The following CNBD1 variants were observed in gnomAD, a reference collection of about 807,000 sequenced individuals.
CNBD1 encodes the protein cyclic nucleotide binding domain containing 1, also known as cyclic nucleotide-binding domain-containing protein 1.
CNBD1 carries 71 observed loss-of-function variants against 54.4 expected under a neutral mutation model. That is an observed-to-expected ratio of 1.30 (90% CI 1.08 to 1.59). CNBD1 has a LOEUF of 1.59. CNBD1 is among the 40% of genes most tolerant of loss of function. The pLI is 0.00. For missense variants in CNBD1, 659 were observed against 518.0 expected (o/e 1.27, Z -2.64); for synonymous variants, 182 against 170.7 (o/e 1.07, Z -0.51).
chr8:87,055,031 TACTC>T, intron 4 of CNBD1, among the ~76,000 whole-genome samples: 1 of 152,326 alleles, frequency 6.6e-6, no homozygotes, highest in Admixed American at 6.5e-5. Context: ...AGTTTGCTCC[TACTC>T]ACTCTTTCGA....
At chr8:87,315,978 A>G (rs1255191991) in intron 8 of CNBD1, among the ~76,000 whole-genome samples, 1 of 152,052 alleles carries the variant, frequency 6.6e-6, no homozygotes, top group Non-Finnish European at 1.5e-5. Flanking sequence ...CCATGAATAT[A>G]TACAATTATT....
At chr8:87,351,658 GA>G in intron 8 of CNBD1, 26 bp from the exon 9 acceptor site, 1 of 1,455,924 alleles carries the variant, frequency 6.9e-7, no homozygotes, top group East Asian at 2.7e-5. Flanking sequence ...AAGAATGTGT[GA>G]AATGAACTAT....
At chr8:87,229,626 C>A (rs917779692) in intron 5 of CNBD1, among the ~76,000 whole-genome samples, 1 of 151,932 alleles carries the variant, frequency 6.6e-6, no homozygotes, top group Non-Finnish European at 1.5e-5. Flanking sequence ...TCAGTTTCAG[C>A]CAAATTTTAT....
At position 87,206,024 on chromosome 8, in the gene CNBD1, A is replaced by G; in HGVS notation, c.463A>G (p.Thr155Ala). Residue 155 changes from threonine (T) to alanine (A), a missense_variant, in exon 5 of 11, where the codon ACT becomes GCT. Physicochemically the swap from Thr to Ala is moderately conservative, Grantham distance 58. Transcript: ENST00000518476. Reference sequence around the variant, plus strand: ...TCACAGGACGCCATATGAACACAAAACTGTGTGGAAGTTCCTGAAAACAAT... The same window carrying G: ...TCACAGGACGCCATATGAACACAAAGCTGTGTGGAAGTTCCTGAAAACAAT... The part of the protein sequence containing the change: ...PIHRTPYEHK[T>A]VWKFLKTIPD... The G allele has an allele frequency of 6.3e-7, 1 of 1,590,744 alleles. No homozygotes were observed. Among genetic ancestry groups the G allele is most frequent in the Non-Finnish European group, 8.6e-7 (1 of 1,169,070 alleles).
chr8:87,305,116 CTAAG>C (rs2130885902), intron 8 of CNBD1, among the ~76,000 whole-genome samples: 1 of 152,098 alleles, frequency 6.6e-6, no homozygotes, highest in African/African-American at 2.4e-5. Context: ...CCAACAATGA[CTAAG>C]TGAAGAATAA....
chr8:86,970,116 T>C (rs1241675035), intron 4 of CNBD1, among the ~76,000 whole-genome samples: 1 of 152,148 alleles, frequency 6.6e-6, no homozygotes, highest in Non-Finnish European at 1.5e-5. Context: ...ATGGCTTTGT[T>C]TCAACTACAA....
intron 4 of CNBD1, among the ~76,000 whole-genome samples, chr8:87,015,620 C>G (rs1055829255): frequency 1.3e-5 from 2 of 152,106 alleles, no homozygotes; most frequent in African/African-American, 4.8e-5. Context: ...TCTCCTTCAC[C>G]TTTTGTTGGC....
intron 10 of CNBD1, among the ~76,000 whole-genome samples, chr8:87,371,259 G>T (rs1297066022): frequency 6.6e-6 from 1 of 151,934 alleles, no homozygotes; most frequent in Non-Finnish European, 1.5e-5. Context: ...TTCCATTTCT[G>T]TGAGGAAAGT....
chr8:87,286,603 A>G lies in CNBD1; in HGVS notation c.974A>G (p.Glu325Gly), dbSNP rs759948566. 2.0e-6 allele frequency: 3 copies of G among 1,502,532 alleles called. No homozygotes were observed. The East Asian group carries it at 7.3e-5, about 37-fold the overall frequency. The allele number at this position is 1,502,532 out of a possible 1,614,324, so 93.1% of individuals were successfully genotyped here. A position where few individuals can be genotyped will look rare whatever the true frequency, so the allele number is the denominator to read the frequency against. The change falls in exon 8 of 11, where the codon GAA (glutamate) becomes GGA (glycine). Residue 325 changes from glutamate to glycine, a missense_variant. Physicochemically the swap from Glu to Gly is moderately conservative, Grantham distance 98 (BLOSUM62 -2). Coordinates refer to ENST00000518476, the MANE Select transcript of CNBD1 (RefSeq NM_173538.3). ...KLIRMCPYYEEWPTLSIYELI... is the reference protein window; with the variant it reads ...KLIRMCPYYEGWPTLSIYELI... The stretch of plus-strand genomic sequence containing the variant: ...ATCCGTATGTGTCCTTATTATGAGG[A>G]ATGGCCTACTTTATCCATATATGAG...
chr8:87,373,846 T>C (rs894062861), intron 10 of CNBD1, among the ~76,000 whole-genome samples: 1 of 151,816 alleles, frequency 6.6e-6, no homozygotes, highest in Admixed American at 6.6e-5. Flanking sequence ...TATTTTTAGA[T>C]AGAACCCAAG....
At chr8:87,346,817 CAG>C (rs1810184802) in intron 8 of CNBD1, among the ~76,000 whole-genome samples, 1 of 152,128 alleles carries the variant, frequency 6.6e-6, no homozygotes, top group Non-Finnish European at 1.5e-5. Context: ...TCCAAGCATT[CAG>C]AGTCACTAAA....
chr8:87,019,735 G>A (rs879874618), intron 4 of CNBD1, among the ~76,000 whole-genome samples: 16 of 152,070 alleles, frequency 1.1e-4, no homozygotes, highest in Admixed American at 5.2e-4. Context: ...AAAATTAGCC[G>A]GATGTGGTGG....
intron 8 of CNBD1, among the ~76,000 whole-genome samples, chr8:87,346,540 TC>T (rs1426840474): frequency 1.3e-4 from 20 of 152,182 alleles, no homozygotes; most frequent in African/African-American, 4.6e-4. Flanking sequence ...TTGTGATGTC[TC>T]TATCTATGTG....
intron 5 of CNBD1, among the ~76,000 whole-genome samples, chr8:87,211,994 C>A (rs1272431805): frequency 6.6e-6 from 1 of 151,644 alleles, no homozygotes; most frequent in Non-Finnish European, 1.5e-5. Flanking sequence ...AAAGAAAATC[C>A]CTGACCCACA....
chr8:87,245,460 G>C (rs1000124478), intron 6 of CNBD1, among the ~76,000 whole-genome samples: 2 of 65,510 alleles, frequency 3.1e-5, no homozygotes, highest in African/African-American at 1.4e-4. Flanking sequence ...TGAAGCTTTT[G>C]TTTCTTTACA....
chr8:87,310,013 A>G (rs1438617650), intron 8 of CNBD1, among the ~76,000 whole-genome samples: 1 of 152,160 alleles, frequency 6.6e-6, no homozygotes, highest in Non-Finnish European at 1.5e-5. Flanking sequence ...TACAAAAATC[A>G]GTAGCATTTC....
At chr8:87,385,172 G>A (rs1015371327), downstream of CNBD1, among the ~76,000 whole-genome samples, 1 of 152,118 alleles carries the variant, frequency 6.6e-6, no homozygotes, top group African/African-American at 2.4e-5. Context: ...ATCAGCTCCA[G>A]TCTACACCTC....
chr8:87,146,160 T>C (rs1812483107), intron 4 of CNBD1, among the ~76,000 whole-genome samples: 3 of 152,100 alleles, frequency 2.0e-5, no homozygotes, highest in Admixed American at 2.0e-4. Context: ...TTACATAAGT[T>C]TTACAATTAT....
chr8:87,046,042 T>TAAA lies in CNBD1; in HGVS notation c.431+106310_431+106312dup, dbSNP rs58214390. ...GGAGACAGAACAAGACTTCCTCTCA[T>TAAA]AAAAAAAAAAAAAAAAAAAAAAAAG... On this transcript the variant is annotated intron_variant, in intron 4 of 10. Coordinates refer to ENST00000518476, the MANE Select transcript of CNBD1 (RefSeq NM_173538.3). Among the ~76,000 whole-genome samples the TAAA allele has an allele frequency of 2.7e-3, 195 of 71,404 alleles. 3 individuals carry two copies. The highest frequency in any genetic ancestry group is 7.3e-3 in the African/African-American group (134 of 18,424). 46.8% of individuals were successfully genotyped at this position (71,404 alleles called of 152,430 possible). A position where few individuals can be genotyped will look rare whatever the true frequency, so the allele number is the denominator to read the frequency against.
Sources: allele counts gnomAD v4.1 joint callset (sites outside exome capture counted in the v4.1 genomes callset), GRCh38; gene constraint gnomAD v4.1.1; transcripts MANE v1.5; gene names NCBI Gene and HGNC (gene_info 2026-07-23, HGNC 2026-07-21).